Variants in CLSTN3 observed in about 807,000 individuals in gnomAD.
CLSTN3 encodes calsyntenin 3.
A neutral mutation model predicts 95.9 loss-of-function variants in CLSTN3; 36 were observed. The observed-to-expected ratio is 0.38, with a 90% CI of 0.29 to 0.50. The LOEUF (loss-of-function observed/expected upper bound fraction) is 0.50, where lower values mean the gene tolerates loss of function less well. CLSTN3 is among the 20% of genes least tolerant of loss of function. The pLI is 0.95. For missense variants in CLSTN3, 1,084 were observed against 1,268.8 expected, an observed-to-expected ratio of 0.85 and a Z score of 2.21; for synonymous variants, 481 against 504.0, an observed-to-expected ratio of 0.95 and a Z score of 0.61.
rs1271161983 is a variant in CLSTN3 at position 7,137,205 on chromosome 12, C to T, written c.1210+95C>T. 1.6e-6 allele frequency: 2 copies of T among 1,284,628 alleles called. No homozygotes were observed. The highest frequency in any genetic ancestry group is 2.4e-5 in the East Asian group (1 of 40,864). The allele number at this position is 1,284,628 out of a possible 1,614,324, so 79.6% of individuals were successfully genotyped here. On this transcript the variant is annotated intron_variant, in intron 7 of 17. Coordinates refer to ENST00000266546, the MANE Select transcript of CLSTN3 (RefSeq NM_014718.4). The surrounding 1 kb of genome is among the most constrained non-coding windows in gnomAD (Gnocchi z 4.4). ...GTGTGTGACTGTGAACAGGTCACTT[C>T]CCCTCTCTTCATTTGTGAGGTGCAA... is the stretch of plus-strand genomic sequence containing the variant.
chr12:7,141,124 G>A lies in CLSTN3; in HGVS notation c.1324-118G>A. On this transcript the variant is annotated intron_variant, in intron 8 of 17. Transcript: ENST00000266546. This position sits in a 1 kb window ranked among gnomAD's most constrained non-coding sequence, Gnocchi z 4.1. ...CAGCAAAGCACTAGTAAGCCCTGTT[G>A]GTAGAACTGGGAATAAAGGGACTGT... 8.9e-7 allele frequency: 1 copy of A among 1,120,060 alleles called. No individual in the cohort carries two copies. Among genetic ancestry groups the A allele is most frequent in the Non-Finnish European group, 1.3e-6 (1 of 778,208 alleles). 69.4% of individuals were successfully genotyped at this position (1,120,060 alleles called of 1,614,324 possible). A position where few individuals can be genotyped will look rare whatever the true frequency, so the allele number is the denominator to read the frequency against.
At position 7,158,132 on chromosome 12, in the gene CLSTN3, A is replaced by G. The variant is rs1939855667; in HGVS notation, c.*51A>G. 1 of 1,455,324 alleles carries G rather than the reference A, an allele frequency of 6.9e-7. No homozygotes were observed. The highest frequency in any genetic ancestry group is 9.1e-7 in the Non-Finnish European group (1 of 1,096,204). The allele number at this position is 1,455,324 out of a possible 1,614,324, so 90.2% of individuals were successfully genotyped here. The stretch of plus-strand genomic sequence containing the variant: ...GGGGAATTCTGCCCTGGTGAAACAG[A>G]CACTCCAGACATGGGAGAAGGACTT... On this transcript the variant is annotated 3_prime_UTR_variant, in exon 18 of 18. Coordinates refer to ENST00000266546, the MANE Select transcript of CLSTN3 (RefSeq NM_014718.4).
intron 12 of CLSTN3, among the ~76,000 whole-genome samples, chr12:7,147,600 T>C (rs1273661925): frequency 6.6e-6 from 1 of 150,812 alleles, no homozygotes; most frequent in African/African-American, 2.4e-5. Flanking sequence ...CTGCAACCTC[T>C]GCCTCCTGGG....
chr12:7,149,724 G>T lies in CLSTN3; in HGVS notation c.2245+31G>T. On this transcript the variant is annotated intron_variant, in intron 14 of 17. Transcript: ENST00000266546. The surrounding 1 kb of genome is among the most constrained non-coding windows in gnomAD (Gnocchi z 4.5). ...TGGGGCCTGAGGGCCTGTCCTCTGT[G>T]TGTGTGTGCCCCTCCCAAAAAGTAA... is the stretch of plus-strand genomic sequence containing the variant. 1 of 1,594,966 alleles carries T rather than the reference G, an allele frequency of 6.3e-7. No individual in the cohort carries two copies. The highest frequency in any genetic ancestry group is 8.6e-7 in the Non-Finnish European group (1 of 1,167,368).
Position 7,135,469 on chromosome 12 carries a change from C to G in CLSTN3, c.526C>G (p.Gln176Glu), listed in dbSNP as rs770663115. Residue 176 changes from glutamine (Q) to glutamate (E), a missense_variant, in exon 4 of 18, where the codon CAG becomes GAG. Physicochemically the swap from Gln to Glu is conservative, Grantham distance 29. Transcript: ENST00000266546. ...VEAIDGDCSPQYSQICYYEIL... is the reference protein window; with the variant it reads ...VEAIDGDCSPEYSQICYYEIL... ...AGCCATTGACGGTGACTGCTCCCCCCAGTACAGCCAGATCTGCTACTATGA... is the reference window on the plus strand; with the variant it reads ...AGCCATTGACGGTGACTGCTCCCCCGAGTACAGCCAGATCTGCTACTATGA... The G allele has an allele frequency of 1.2e-6, 2 of 1,614,136 alleles. No homozygotes were observed. Among genetic ancestry groups the G allele is most frequent in the Non-Finnish European group, 1.7e-6 (2 of 1,180,018 alleles).
intron 12 of CLSTN3, among the ~76,000 whole-genome samples, chr12:7,145,478 G>C (rs1183814987): frequency 6.6e-6 from 1 of 151,616 alleles, no homozygotes; most frequent in Non-Finnish European, 1.5e-5. Context: ...ATAGCTTCCA[G>C]TTTTCAGTTC....
At chr12:7,146,737 C>T (rs1323800741) in intron 12 of CLSTN3, among the ~76,000 whole-genome samples, 3 of 152,214 alleles carry the variant, frequency 2.0e-5, no homozygotes, top group African/African-American at 7.2e-5. Context: ...AATCTCTCTA[C>T]CAGACCAACG....
Position 7,130,666 on chromosome 12 carries a change from G to T in CLSTN3, c.18G>T (p.Leu6=). 2 of 1,572,660 alleles carry T rather than the reference G, an allele frequency of 1.3e-6. No homozygotes were observed. The highest frequency in any genetic ancestry group is 1.7e-6 in the Non-Finnish European group (2 of 1,158,284). MTLLL[L]PLLLASLLAS... Reference sequence around the variant, plus strand: ...GCCGCACCATGACCCTCCTGCTGCTGCCCCTTCTGCTGGCCTCTCTGCTCG... The same window carrying T: ...GCCGCACCATGACCCTCCTGCTGCTTCCCCTTCTGCTGGCCTCTCTGCTCG... Residue 6 remains leucine (L), a synonymous_variant, in exon 1 of 18, where the codon CTG becomes CTT. Transcript: ENST00000266546.
intron 12 of CLSTN3, among the ~76,000 whole-genome samples, chr12:7,144,304 A>G (rs1489063551): frequency 6.6e-6 from 1 of 152,186 alleles, no homozygotes; most frequent in African/African-American, 2.4e-5. Flanking sequence ...AGTCTTTAAA[A>G]GAAAAATTGT....
At chr12:7,129,802 CAGG>C (rs1220757910), upstream of CLSTN3, 1 of 985,596 alleles carries the variant, frequency 1.0e-6, no homozygotes, top group African/African-American at 1.7e-5. The surrounding 1 kb of genome is among the most constrained non-coding windows in gnomAD (Gnocchi z 5.5). Context: ...GACAGGTAGG[CAGG>C]AGGAGGCGGC....
In CLSTN3 at chr12:7,157,546, T is replaced by C; in HGVS notation, c.2585T>C (p.Met862Thr). Residue 862 changes from methionine to threonine, a missense_variant, in exon 17 of 18, where the codon ATG becomes ACG. Physicochemically the swap from Met to Thr is moderately conservative, Grantham distance 81. Coordinates refer to ENST00000266546, the MANE Select transcript of CLSTN3 (RefSeq NM_014718.4). The surrounding 1 kb of genome is among the most constrained non-coding windows in gnomAD (Gnocchi z 5.9). ...IVVCVGFLVLMVVLGLVRIHS... is the reference protein window; with the variant it reads ...IVVCVGFLVLTVVLGLVRIHS... ...GTGTGCGTGGGCTTCCTGGTGCTCA[T>C]GGTCGTCCTGGGCCTGGTGCGCATC... is the stretch of plus-strand genomic sequence containing the variant. 6.2e-7 allele frequency: 1 copy of C among 1,611,522 alleles called. No individual in the cohort carries two copies. Among genetic ancestry groups the C allele is most frequent in the East Asian group, 2.2e-5 (1 of 44,844 alleles).
intron 16 of CLSTN3, among the ~76,000 whole-genome samples, chr12:7,152,044 G>T (rs1022552289): frequency 6.9e-6 from 1 of 145,980 alleles, no homozygotes; most frequent in Non-Finnish European, 1.5e-5. Flanking sequence ...ACAGAGCAAG[G>T]CTCTGTCTCA....
At position 7,157,838 on chromosome 12, in the gene CLSTN3, G is replaced by A; in HGVS notation, c.2731-103G>A. ...GAGAGAGGTTCAGGCAGGGAAGGGG[G>A]TACACAGGGGTTAAGGGGACCGAGG... is the stretch of plus-strand genomic sequence containing the variant. On this transcript the variant is annotated intron_variant, in intron 17 of 17. Coordinates refer to ENST00000266546, the MANE Select transcript of CLSTN3 (RefSeq NM_014718.4). This position sits in a 1 kb window ranked among gnomAD's most constrained non-coding sequence, Gnocchi z 5.9. The A allele has an allele frequency of 2.0e-6, 3 of 1,510,490 alleles. No individual in the cohort carries two copies. Among genetic ancestry groups the A allele is most frequent in the Non-Finnish European group, 1.8e-6 (2 of 1,124,140 alleles). 93.6% of individuals were successfully genotyped at this position (1,510,490 alleles called of 1,614,324 possible). A position where few individuals can be genotyped will look rare whatever the true frequency, so the allele number is the denominator to read the frequency against.
chr12:7,150,658 G>A lies in CLSTN3; in HGVS notation c.2360G>A (p.Gly787Asp). The change falls in exon 15 of 18, where the codon GGC becomes GAC. Residue 787 changes from glycine to aspartate, a missense_variant. Gly to Asp is a moderately conservative substitution (Grantham distance 94, BLOSUM62 -1). Coordinates refer to ENST00000266546, the MANE Select transcript of CLSTN3 (RefSeq NM_014718.4). This position sits in a 1 kb window ranked among gnomAD's most constrained non-coding sequence, Gnocchi z 4.0. ...KFRLSCSEMN[G>D]RYSSNEFIVE... ...CGGCTTTCCTGCTCGGAAATGAATG[G>A]CCGTTACTCCAGCAATGAATTCATC... 1 of 1,614,110 alleles carries A rather than the reference G, an allele frequency of 6.2e-7. No individual in the cohort carries two copies. Among genetic ancestry groups the A allele is most frequent in the Non-Finnish European group, 8.5e-7 (1 of 1,179,932 alleles).
rs1012956287 is a variant in CLSTN3 at position 7,130,427 on chromosome 12, G to A, written c.-222G>A. On this transcript the variant is annotated 5_prime_UTR_variant, in exon 1 of 18. Coordinates refer to ENST00000266546, the MANE Select transcript of CLSTN3 (RefSeq NM_014718.4). ...AGAGAGTGAGGACGCTGGGCTGGGG[G>A]AAACGGGAAGCCGCTGCAAGTCCAC... 1 of 1,451,602 alleles carries A rather than the reference G, an allele frequency of 6.9e-7. No homozygotes were observed. Among genetic ancestry groups the A allele is most frequent in the Non-Finnish European group, 9.1e-7 (1 of 1,103,476 alleles). 89.9% of individuals were successfully genotyped at this position (1,451,602 alleles called of 1,614,324 possible). A position where few individuals can be genotyped will look rare whatever the true frequency, so the allele number is the denominator to read the frequency against.
In CLSTN3 at chr12:7,158,154, A is replaced by C. The variant is rs1939855882; in HGVS notation, c.*73A>C. ...CAGACACTCCAGACATGGGAGAAGG[A>C]CTTTCTGGGAACACAGAGACCAAGA... On this transcript the variant is annotated 3_prime_UTR_variant, in exon 18 of 18. Transcript: ENST00000266546. 2 of 1,431,416 alleles carry C rather than the reference A, an allele frequency of 1.4e-6. No homozygotes were observed. The highest frequency in any genetic ancestry group is 1.8e-6 in the Non-Finnish European group (2 of 1,082,572). The allele number at this position is 1,431,416 out of a possible 1,614,324, so 88.7% of individuals were successfully genotyped here.
chr12:7,150,780 G>A lies in CLSTN3; in HGVS notation c.2391+91G>A, dbSNP rs1939710210. 2.5e-6 allele frequency: 4 copies of A among 1,573,040 alleles called. No homozygotes were observed. In the South Asian group the frequency reaches 4.7e-5, roughly 18 times the overall value. ...CTCAAAATGTTAGTTGGTGGGCATG[G>A]ACATGGCAGCGTGGAGGGCTGCTGG... On this transcript the variant is annotated intron_variant, in intron 15 of 17. Transcript: ENST00000266546. The surrounding 1 kb of genome is among the most constrained non-coding windows in gnomAD (Gnocchi z 4.0).
rs964938857 is a variant in CLSTN3 at position 7,138,144 on chromosome 12, G to T, written c.1323+77G>T. The T allele has an allele frequency of 1.9e-5, 22 of 1,134,974 alleles. 1 individual carries two copies. The South Asian group carries it at 2.3e-4, about 12-fold the overall frequency. 70.3% of individuals were successfully genotyped at this position (1,134,974 alleles called of 1,614,324 possible). Reference sequence around the variant, plus strand: ...TAGGAAAGGACCTTCTCTGGGCAGGGTCAGCATTTTCTGGGTTCCCCCTTG... The same window carrying T: ...TAGGAAAGGACCTTCTCTGGGCAGGTTCAGCATTTTCTGGGTTCCCCCTTG... On this transcript the variant is annotated intron_variant, in intron 8 of 17. Coordinates refer to ENST00000266546, the MANE Select transcript of CLSTN3 (RefSeq NM_014718.4).
At chr12:7,156,437 G>C in intron 16 of CLSTN3, 1 of 456,936 alleles carries the variant, frequency 2.2e-6, no homozygotes, top group South Asian at 1.5e-5. Flanking sequence ...CTTCCTTCAG[G>C]GGGTTGCCTG....
Sources: gnomAD v4.1 joint callset for allele counts (sites outside exome capture counted in the v4.1 genomes callset) on GRCh38, gnomAD v4.1.1 for gene constraint, Gnocchi (gnomAD v3.1) non-coding constraint, MANE v1.5 for transcripts, NCBI Gene and HGNC (gene_info 2026-07-23, HGNC 2026-07-21) for gene names.